Variants in HM13 observed in about 807,000 individuals in gnomAD.
HM13 encodes signal peptide peptidase.
HM13 carries 18 observed loss-of-function variants against 50.0 expected under a neutral mutation model. That is an observed-to-expected ratio of 0.36 (90% CI 0.25 to 0.53). The LOEUF is 0.53. Among genes scored for constraint, HM13 ranks in the 20% least tolerant of loss-of-function variants. HM13 has a pLI of 0.90. For missense variants in HM13, 393 were observed against 552.4 expected (o/e 0.71, Z 2.89); for synonymous variants, 197 against 232.6 (o/e 0.85, Z 1.39).
chr20:31,566,439 A>G lies in HM13; in HGVS notation c.1034+144A>G, dbSNP rs1984919526. The G allele has an allele frequency of 4.3e-6, 3 of 690,688 alleles. No individual in the cohort carries two copies. In the South Asian group the frequency reaches 5.2e-5, roughly 12 times the overall value. The allele number at this position is 690,688 out of a possible 1,614,324, so 42.8% of individuals were successfully genotyped here. ...CCCACCCCTTGCCTTTTTCAGCAGT[A>G]CATGGGTACCTGGCCTGTGGACACC... On this transcript the variant is annotated intron_variant, in intron 11 of 12. Coordinates refer to ENST00000398174, the MANE Select transcript of HM13 (RefSeq NM_178581.3).
chr20:31,562,809 C>T (rs1984692165), intron 10 of HM13: 1 of 152,208 alleles, frequency 6.6e-6, no homozygotes, highest in Non-Finnish European at 1.5e-5. Context: ...CAAGAACAAC[C>T]ATTGTGGAAC....
intron 8 of HM13, among the ~76,000 whole-genome samples, chr20:31,558,946 GTC>G (rs775658268): frequency 8.6e-5 from 13 of 151,572 alleles, no homozygotes; most frequent in Non-Finnish European, 1.8e-4. Context: ...TTGAGACAGA[GTC>G]TCGCTGTGTC....
intron 9 of HM13, 28 bp downstream of exon 9, chr20:31,559,675 TGGGCTTCTCCA>T (rs1984504843): frequency 6.2e-7 from 1 of 1,612,678 alleles, no homozygotes; most frequent in African/African-American, 1.3e-5. Context: ...TGCCCCAGCA[TGGGCTTCTCCA>T]GGGATTCTCC....
intron 9 of HM13, among the ~76,000 whole-genome samples, chr20:31,560,030 G>A (rs1021434431): frequency 3.9e-5 from 6 of 152,166 alleles, no homozygotes; most frequent in African/African-American, 1.2e-4. Flanking sequence ...AGTCGCTCTT[G>A]GTTGAATCCT....
intron 4 of HM13, 177 bp from the exon 5 acceptor site, chr20:31,548,852 C>A: frequency 1.5e-6 from 1 of 657,132 alleles, no homozygotes; most frequent in Non-Finnish European, 2.7e-6. Flanking sequence ...GTTGGGGTGG[C>A]TCCAGTGAGC....
chr20:31,518,880 G>A (rs1461627203), intron 1 of HM13, among the ~76,000 whole-genome samples: 1 of 151,726 alleles, frequency 6.6e-6, no homozygotes, highest in African/African-American at 2.4e-5. Flanking sequence ...GAGAGAGAGA[G>A]AGAGATCTAC....
intron 4 of HM13, chr20:31,547,498 T>A (rs1313414815): frequency 2.9e-6 from 2 of 692,664 alleles, no homozygotes; most frequent in Non-Finnish European, 5.0e-6. Context: ...CGCTTCACCC[T>A]GGATCATGTT....
At chr20:31,565,932 C>T (rs1202856585) in intron 10 of HM13, 7 of 309,064 alleles carry the variant, frequency 2.3e-5, no homozygotes, top group East Asian at 1.9e-4. Flanking sequence ...CTTTTTGAAC[C>T]TGGTGACCTA....
chr20:31,549,482 A>G, intron 6 of HM13, 150 bp downstream of exon 6: 1 of 935,282 alleles, frequency 1.1e-6, no homozygotes, highest in Non-Finnish European at 1.6e-6. Context: ...CTCTGGGCCC[A>G]TCTGTGAGAT....
intron 10 of HM13, chr20:31,563,153 G>A (rs929654847): frequency 6.6e-6 from 1 of 152,364 alleles, no homozygotes; most frequent in Non-Finnish European, 1.5e-5. Context: ...TGGCGATCTG[G>A]ACTCCAGACT....
intron 8 of HM13, among the ~76,000 whole-genome samples, chr20:31,556,604 G>T (rs1205533035): frequency 6.6e-6 from 1 of 152,158 alleles, no homozygotes; most frequent in African/African-American, 2.4e-5. Flanking sequence ...ACTCAGACCA[G>T]CACTGTCCAA....
intron 11 of HM13, among the ~76,000 whole-genome samples, chr20:31,567,381 A>G (rs1304603219): frequency 1.3e-5 from 2 of 152,142 alleles, no homozygotes; most frequent in Admixed American, 1.3e-4. Flanking sequence ...TGAATACACA[A>G]GGCAGAGGGT....
At chr20:31,523,044 G>GGA (rs1555838857) in intron 1 of HM13, among the ~76,000 whole-genome samples, 3 of 84,918 alleles carry the variant, frequency 3.5e-5, no homozygotes, top group Admixed American at 2.9e-4. Context: ...GGTTTTTTTT[G>GGA]GGAGGGGGGC....
At chr20:31,516,539 G>A (rs1291368274) in intron 1 of HM13, among the ~76,000 whole-genome samples, 1 of 152,210 alleles carries the variant, frequency 6.6e-6, no homozygotes, top group Non-Finnish European at 1.5e-5. Flanking sequence ...GAGGCTTTGT[G>A]CTAGAGGTAG....
In HM13 at chr20:31,566,301, G is replaced by A; in HGVS notation, c.1034+6G>A. The A allele has an allele frequency of 6.2e-7, 1 of 1,611,838 alleles. No homozygotes were observed. Among genetic ancestry groups the A allele is most frequent in the Non-Finnish European group, 8.5e-7 (1 of 1,177,970 alleles). ...GAAGTGACAGAGATGTTCAGGTAAG[G>A]CAGAGTGGGGGGCAGATGTCCTCAT... On this transcript the variant is annotated splice_donor_region_variant and intron_variant, in intron 11 of 12. Transcript: ENST00000398174.
intron 3 of HM13, among the ~76,000 whole-genome samples, chr20:31,543,531 C>T (rs1242007867): frequency 2.0e-5 from 3 of 151,872 alleles, no homozygotes; most frequent in African/African-American, 7.2e-5. Flanking sequence ...TCAAGTGATC[C>T]GCCACCTCAG....
At chr20:31,537,081 C>A (rs968129348) in intron 2 of HM13, among the ~76,000 whole-genome samples, 3 of 152,224 alleles carry the variant, frequency 2.0e-5, no homozygotes, top group African/African-American at 4.8e-5. Flanking sequence ...GTGAGCAAAG[C>A]TTCCCTGATC....
intron 2 of HM13, among the ~76,000 whole-genome samples, chr20:31,537,223 A>T (rs1472341712): frequency 6.6e-6 from 1 of 152,256 alleles, no homozygotes; most frequent in Admixed American, 6.5e-5. Flanking sequence ...TACTGCAAAA[A>T]GGCCAGTGTG....
chr20:31,548,257 C>G (rs1171940901), intron 4 of HM13: 1 of 517,018 alleles, frequency 1.9e-6, no homozygotes, highest in African/African-American at 1.9e-5. Flanking sequence ...TCTGCTAACA[C>G]TCTGGAATGT....
Sources: allele counts gnomAD v4.1 joint callset (sites outside exome capture counted in the v4.1 genomes callset), GRCh38; gene constraint gnomAD v4.1.1; transcripts MANE v1.5; gene names NCBI Gene and HGNC (gene_info 2026-07-23, HGNC 2026-07-21).